Variants in CNTNAP2 observed in about 807,000 individuals in gnomAD.
CNTNAP2 encodes contactin associated protein 2.
A neutral mutation model predicts 155.2 loss-of-function variants in CNTNAP2; 98 were observed. That is an observed-to-expected ratio of 0.63 (90% CI 0.54 to 0.75). The LOEUF (loss-of-function observed/expected upper bound fraction) is 0.75, where lower values mean the gene tolerates loss of function less well. Among genes scored for constraint, CNTNAP2 ranks in the 30% least tolerant of loss-of-function variants. The probability of loss-of-function intolerance (pLI) is 0.00; values close to 1 mark genes in which losing one functional copy is unlikely to be tolerated. For synonymous variants in CNTNAP2, 651 were observed against 631.2 expected (o/e 1.03, Z -0.47); for missense variants, 1,727 against 1,688.1 (o/e 1.02, Z -0.40).
chr7:147,065,620 A>T (rs1043424935), intron 4 of CNTNAP2, among the ~76,000 whole-genome samples: 5 of 152,144 alleles, frequency 3.3e-5, no homozygotes, highest in African/African-American at 1.2e-4. Context: ...CCTGTCACTT[A>T]TATGTTCAGT....
chr7:147,569,917 T>C (rs1212453798), intron 12 of CNTNAP2, among the ~76,000 whole-genome samples: 2 of 152,214 alleles, frequency 1.3e-5, no homozygotes, highest in Non-Finnish European at 2.9e-5. Flanking sequence ...TGGAAGTTTA[T>C]TCAAGTGTTG....
chr7:146,545,666 A>G (rs926048812), intron 1 of CNTNAP2, among the ~76,000 whole-genome samples: 4 of 151,910 alleles, frequency 2.6e-5, no homozygotes, highest in African/African-American at 9.7e-5. Flanking sequence ...GTGATCATTA[A>G]AAAGTCAGGA....
chr7:147,294,866 G>A (rs1805400611), intron 8 of CNTNAP2, among the ~76,000 whole-genome samples: 1 of 151,958 alleles, frequency 6.6e-6, no homozygotes, highest in African/African-American at 2.4e-5. Context: ...CATCATGTTG[G>A]CCAGGCTGGT....
At chr7:147,004,972 T>C (rs1176698174) in intron 3 of CNTNAP2, among the ~76,000 whole-genome samples, 3 of 152,126 alleles carry the variant, frequency 2.0e-5, no homozygotes, top group Non-Finnish European at 4.4e-5. Context: ...AAGTTTTATG[T>C]GTATTTAAAT....
At chr7:146,256,891 T>A (rs1013704604) in intron 1 of CNTNAP2, among the ~76,000 whole-genome samples, 3 of 152,190 alleles carry the variant, frequency 2.0e-5, no homozygotes, top group Non-Finnish European at 4.4e-5. Context: ...CTACTACATC[T>A]CTAAGGCGTT....
rs1465374945 is a variant in CNTNAP2, at chr7:148,419,425, TTTG to T, written c.*3815_*3817del. The T allele has an allele frequency of 1.3e-5, 2 of 152,350 alleles. No homozygotes were observed. The highest frequency in any genetic ancestry group is 2.4e-5 in the African/African-American group (1 of 41,372). The allele number at this position is 152,350 out of a possible 1,614,324, so 9.4% of individuals were successfully genotyped here. A position where few individuals can be genotyped will look rare whatever the true frequency, so the allele number is the denominator to read the frequency against. On this transcript the variant is annotated 3_prime_UTR_variant, in exon 24 of 24. Transcript: ENST00000361727. ...GGCTCCTACCCCCGCCCCGCTTTTT[TTTG>T]TTGTTTTTTGTTTTGTTTTGAGACG... is the stretch of plus-strand genomic sequence containing the variant.
chr7:147,016,314 G>T (rs1246158868), intron 3 of CNTNAP2, among the ~76,000 whole-genome samples: 1 of 151,954 alleles, frequency 6.6e-6, no homozygotes, highest in African/African-American at 2.4e-5. Flanking sequence ...AGCCGGATGT[G>T]CTCCTGTATT....
In CNTNAP2 at chr7:147,727,422, T is replaced by C. The variant is rs373861843; in HGVS notation, c.2098+88116T>C. On this transcript the variant is annotated intron_variant, in intron 13 of 23. Transcript: ENST00000361727. ...TTAATTCCAATCCTTAATCTTTTAA[T>C]CTAATGAGTTAACTATCAGTTGTAT... is the stretch of plus-strand genomic sequence containing the variant. Among the ~76,000 whole-genome samples the C allele has an allele frequency of 6.6e-5, 10 of 152,186 alleles. No homozygotes were observed. In the East Asian group the frequency reaches 1.7e-3, roughly 27 times the overall value.
chr7:146,944,510 G>A (rs544699851), intron 3 of CNTNAP2, among the ~76,000 whole-genome samples: 1 of 152,042 alleles, frequency 6.6e-6, no homozygotes, highest in Non-Finnish European at 1.5e-5. Flanking sequence ...AGTGGATAAG[G>A]TAAAATACTA....
At chr7:147,527,688 C>A (rs1345707849) in intron 11 of CNTNAP2, among the ~76,000 whole-genome samples, 1 of 152,168 alleles carries the variant, frequency 6.6e-6, no homozygotes, top group African/African-American at 2.4e-5. Flanking sequence ...TGAGACCAGG[C>A]AGGCACACTA....
At chr7:146,611,441 AT>A (rs1799135356) in intron 1 of CNTNAP2, among the ~76,000 whole-genome samples, 1 of 152,176 alleles carries the variant, frequency 6.6e-6, no homozygotes, top group Non-Finnish European at 1.5e-5. Context: ...TGGAAAAAAA[AT>A]TCTCTCATGT....
At chr7:146,437,192 CTGA>C (rs1337857669) in intron 1 of CNTNAP2, among the ~76,000 whole-genome samples, 1 of 151,386 alleles carries the variant, frequency 6.6e-6, no homozygotes, top group Non-Finnish European at 1.5e-5. Context: ...AAGCTAATGC[CTGA>C]TGATCTTGGG....
intron 8 of CNTNAP2, among the ~76,000 whole-genome samples, chr7:147,176,690 AG>A (rs2116489152): frequency 1.8e-5 from 1 of 56,612 alleles, no homozygotes; most frequent in Admixed American, 2.2e-4. Context: ...AATATATAAT[AG>A]AATTATATAT....
intron 1 of CNTNAP2, among the ~76,000 whole-genome samples, chr7:146,571,982 G>A (rs1423936490): frequency 6.6e-6 from 1 of 152,188 alleles, no homozygotes; most frequent in African/African-American, 2.4e-5. Flanking sequence ...GCCTCCCGAA[G>A]TGCCGGGATT....
intron 1 of CNTNAP2, among the ~76,000 whole-genome samples, chr7:146,163,575 ATCTATCTATC>A (rs1798265048): frequency 7.2e-6 from 1 of 138,506 alleles, no homozygotes; most frequent in African/African-American, 2.8e-5. Context: ...ATCTATATCT[ATCTATCTATC>A]TATATATATA....
At chr7:146,596,343 A>C (rs1798857855) in intron 1 of CNTNAP2, among the ~76,000 whole-genome samples, 1 of 151,958 alleles carries the variant, frequency 6.6e-6, no homozygotes, top group Admixed American at 6.6e-5. Context: ...GACACCCAGA[A>C]GCACAATGTC....
intron 13 of CNTNAP2, among the ~76,000 whole-genome samples, chr7:147,701,215 C>T (rs1333897905): frequency 6.6e-6 from 1 of 152,132 alleles, no homozygotes; most frequent in East Asian, 1.9e-4. Context: ...TATTTCTCTT[C>T]CCTTGCCTTC....
intron 1 of CNTNAP2, among the ~76,000 whole-genome samples, chr7:146,403,407 G>A (rs1795742149): frequency 6.6e-6 from 1 of 152,076 alleles, no homozygotes; most frequent in South Asian, 2.1e-4. Context: ...TATAGAATTT[G>A]TATAATATTA....
intron 1 of CNTNAP2, among the ~76,000 whole-genome samples, chr7:146,674,434 G>T (rs1800360888): frequency 6.6e-6 from 1 of 151,958 alleles, no homozygotes; most frequent in Non-Finnish European, 1.5e-5. Flanking sequence ...CAAACATTCT[G>T]TAGTAAAACC....
Sources: gnomAD v4.1 joint callset for allele counts (sites outside exome capture counted in the v4.1 genomes callset) on GRCh38, gnomAD v4.1.1 for gene constraint, MANE v1.5 for transcripts, NCBI Gene and HGNC (gene_info 2026-07-23, HGNC 2026-07-21) for gene names.